FBN2: variants seen among roughly 807,000 people sequenced by gnomAD.
The protein encoded by FBN2 is fibrillin 2.
A neutral mutation model predicts 355.6 loss-of-function variants in FBN2; 105 were observed. The observed-to-expected ratio is 0.30, with a 90% confidence interval of 0.25 to 0.35. The LOEUF (loss-of-function observed/expected upper bound fraction) is 0.35. FBN2 is among the 10% of genes least tolerant of loss of function. The pLI, the probability that FBN2 is intolerant of heterozygous loss-of-function variation, is 1.00. For missense variants in FBN2, 3,280 were observed against 3,758.7 expected, an observed-to-expected ratio of 0.87 and a Z score of 3.33; for synonymous variants, 1,350 against 1,301.2, an observed-to-expected ratio of 1.04 and a Z score of -0.81.
chr5:128,361,891 C>A (rs767142413), intron 18 of FBN2, 43 bp from the exon 19 acceptor site: 1 of 1,594,314 alleles, frequency 6.3e-7, no homozygotes, highest in East Asian at 2.2e-5. Context: ...CATATTTAAG[C>A]ATCTATTACA....
At chr5:128,346,101 GT>G (rs960310181) in intron 23 of FBN2, among the ~76,000 whole-genome samples, 2 of 151,608 alleles carry the variant, frequency 1.3e-5, no homozygotes, top group Non-Finnish European at 2.9e-5. Context: ...TTGCATCATG[GT>G]TTTTCCCTGG....
chr5:128,263,690 G>A, intron 62 of FBN2, 34 bp from the exon 63 acceptor site: 8 of 1,554,204 alleles, frequency 5.1e-6, no homozygotes, highest in South Asian at 1.1e-5. Context: ...CTTACACGGG[G>A]AAGCAGGCAA....
intron 5 of FBN2, among the ~76,000 whole-genome samples, chr5:128,500,620 A>AT (rs1320028809): frequency 6.6e-6 from 1 of 150,982 alleles, no homozygotes; most frequent in African/African-American, 2.4e-5. Context: ...AATTTTTTGT[A>AT]TTTTTAGTAA....
At chr5:128,530,516 T>A in intron 3 of FBN2, 79 bp downstream of exon 3, 2 of 927,684 alleles carry the variant, frequency 2.2e-6, no homozygotes, top group Non-Finnish European at 3.6e-6. Flanking sequence ...TAAAACTCCC[T>A]GGCACATAGA....
At chr5:128,465,323 G>C (rs1305244206) in intron 5 of FBN2, among the ~76,000 whole-genome samples, 2 of 152,180 alleles carry the variant, frequency 1.3e-5, no homozygotes, top group Non-Finnish European at 2.9e-5. Flanking sequence ...GCACTGGTGG[G>C]ATGAAGTGTG....
chr5:128,364,507 T>C, intron 18 of FBN2, 93 bp downstream of exon 18: 1 of 1,308,042 alleles, frequency 7.6e-7, no homozygotes, highest in Non-Finnish European at 1.1e-6. Flanking sequence ...CTGTACAATT[T>C]TTAGTTTTAG....
chr5:128,471,227 C>T lies in FBN2; in HGVS notation c.629-6306G>A, dbSNP rs548882571. 9.2e-5 allele frequency among the ~76,000 whole-genome samples: 14 copies of T among 152,056 alleles called. No homozygotes were observed. In the East Asian group the frequency reaches 2.7e-3, roughly 29 times the overall value. On this transcript the variant is annotated intron_variant, in intron 5 of 64. Coordinates refer to ENST00000262464, the MANE Select transcript of FBN2 (RefSeq NM_001999.4). ...TTCGAGTAATGGAGTTTTTGACCAA[C>T]AATTCTGTCCTTATTATAAATGAGG...
At position 128,310,124 on chromosome 5, in the gene FBN2, A is replaced by G; in HGVS notation, c.5075-16T>C. ...TCATCAATATCTAGAGTAGGCAAGA[A>G]TATCTATTAATTAATAAATCTATTT... On this transcript the variant is annotated splice_polypyrimidine_tract_variant and intron_variant, in intron 39 of 64. Transcript: ENST00000262464. 1 of 1,595,720 alleles carries G rather than the reference A, an allele frequency of 6.3e-7. No individual in the cohort carries two copies. The highest frequency in any genetic ancestry group is 8.6e-7 in the Non-Finnish European group (1 of 1,164,248).
chr5:128,384,678 A>G (rs762665966), intron 11 of FBN2, among the ~76,000 whole-genome samples: 13 of 152,056 alleles, frequency 8.5e-5, no homozygotes, highest in Non-Finnish European at 1.8e-4. Flanking sequence ...GAATGCCTCT[A>G]TTCTTCAACA....
chr5:128,403,591 T>C (rs1307665880), intron 8 of FBN2, among the ~76,000 whole-genome samples: 2 of 151,348 alleles, frequency 1.3e-5, no homozygotes, highest in African/African-American at 2.4e-5. Flanking sequence ...AATTAGGTAT[T>C]AATCATTCCT....
intron 58 of FBN2, among the ~76,000 whole-genome samples, chr5:128,276,413 T>C (rs916284111): frequency 2.0e-5 from 3 of 152,220 alleles, no homozygotes; most frequent in Admixed American, 2.0e-4. Context: ...TACTACATTC[T>C]TTAGATTAAT....
intron 48 of FBN2, among the ~76,000 whole-genome samples, chr5:128,297,388 T>A (rs1454926751): frequency 6.6e-6 from 1 of 152,214 alleles, no homozygotes; most frequent in African/African-American, 2.4e-5. Flanking sequence ...TTCCTGGGTA[T>A]GCTTGTTGAC....
At chr5:128,437,839 A>AGACAGACAGAC (rs1753814505) in intron 7 of FBN2, among the ~76,000 whole-genome samples, 1 of 149,278 alleles carries the variant, frequency 6.7e-6, no homozygotes, top group African/African-American at 2.5e-5. Flanking sequence ...GACAGACAGA[A>AGACAGACAGAC]AGACAGGAGA....
chr5:128,537,588 T>C lies in FBN2; in HGVS notation c.16A>G (p.Arg6Gly). MGRRR[R>G]LCLQLYFLWL... ...AGGAAGTAGAGCTGGAGACACAGCC[T>C]CCGTCTTCTCCCCATCGCCGGCGCC... Residue 6 changes from arginine to glycine, a missense_variant, in exon 1 of 65, where the codon AGG becomes GGG. Arg to Gly is a moderately radical substitution (Grantham distance 125, BLOSUM62 -2). Coordinates refer to ENST00000262464, the MANE Select transcript of FBN2 (RefSeq NM_001999.4). 1.9e-6 allele frequency: 3 copies of C among 1,607,544 alleles called. No individual in the cohort carries two copies. Among genetic ancestry groups the C allele is most frequent in the Non-Finnish European group, 2.5e-6 (3 of 1,178,328 alleles).
At chr5:128,536,160 T>C (rs1756840379) in intron 2 of FBN2, among the ~76,000 whole-genome samples, 1 of 152,224 alleles carries the variant, frequency 6.6e-6, no homozygotes, top group Non-Finnish European at 1.5e-5. Context: ...GATAAAACTT[T>C]CAATTATCTT....
chr5:128,332,103 G>A (rs1027774458), intron 32 of FBN2, among the ~76,000 whole-genome samples: 3 of 151,960 alleles, frequency 2.0e-5, no homozygotes, highest in African/African-American at 7.3e-5. Flanking sequence ...ATATTTGAAT[G>A]GATAAAAAAG....
intron 8 of FBN2, among the ~76,000 whole-genome samples, chr5:128,402,384 T>C (rs192034074): frequency 3.5e-4 from 53 of 152,240 alleles, no homozygotes; most frequent in Non-Finnish European, 5.4e-4. Context: ...CCTTACTACA[T>C]TTCCTGAACA....
chr5:128,282,484 C>T (rs768498421), intron 55 of FBN2, among the ~76,000 whole-genome samples: 30 of 151,846 alleles, frequency 2.0e-4, no homozygotes, highest in Admixed American at 7.9e-4. Context: ...GAACTAAAAG[C>T]GTTCTTGGAA....
At chr5:128,490,102 C>T (rs767301421) in intron 5 of FBN2, among the ~76,000 whole-genome samples, 165 of 152,244 alleles carry the variant, frequency 1.1e-3, no homozygotes, top group Non-Finnish European at 1.9e-3. Context: ...TCAACAATTT[C>T]CCACTAATGA....
Sources: allele counts gnomAD v4.1 joint callset (sites outside exome capture counted in the v4.1 genomes callset), GRCh38; gene constraint gnomAD v4.1.1; transcripts MANE v1.5; gene names NCBI Gene and HGNC (gene_info 2026-07-23, HGNC 2026-07-21).